THSD4: variants seen among roughly 807,000 people sequenced by gnomAD.
The protein encoded by THSD4 is thrombospondin type-1 domain-containing protein 4.
In THSD4, 69 loss-of-function variants were observed where a neutral mutation model predicts 119.0. That is an observed-to-expected ratio of 0.58 (90% CI 0.48 to 0.71). THSD4 has a LOEUF of 0.71. Ranked by LOEUF, THSD4 falls within the 30% of genes least tolerant of loss-of-function variation. The pLI is 0.00. For missense variants in THSD4, 1,393 were observed against 1,391.1 expected, an observed-to-expected ratio of 1.00 and a Z score of -0.02; for synonymous variants, 524 against 540.4, an observed-to-expected ratio of 0.97 and a Z score of 0.42.
chr15:71,762,590 C>T (rs2053645329), intron 15 of THSD4, among the ~76,000 whole-genome samples: 1 of 152,192 alleles, frequency 6.6e-6, no homozygotes, highest in South Asian at 2.1e-4. Flanking sequence ...GCCGCCCACC[C>T]CTGCCCCATC....
chr15:71,388,814 A>G (rs1181082087), intron 6 of THSD4, among the ~76,000 whole-genome samples: 1 of 152,092 alleles, frequency 6.6e-6, no homozygotes, highest in Non-Finnish European at 1.5e-5. Context: ...ACCATCCAAT[A>G]TGGTTTGGCT....
chr15:71,429,051 C>T (rs1250284680), intron 7 of THSD4, among the ~76,000 whole-genome samples: 1 of 152,164 alleles, frequency 6.6e-6, no homozygotes, highest in African/African-American at 2.4e-5. Context: ...AGTCTTTTAC[C>T]ATTACCAGTC....
chr15:71,562,752 G>A (rs1348589754), intron 7 of THSD4, among the ~76,000 whole-genome samples: 2 of 145,982 alleles, frequency 1.4e-5, no homozygotes, highest in East Asian at 4.1e-4. Flanking sequence ...GCCCAAGCTG[G>A]AGTACAATGG....
At chr15:71,604,935 G>A (rs2050081276) in intron 7 of THSD4, among the ~76,000 whole-genome samples, 1 of 152,110 alleles carries the variant, frequency 6.6e-6, no homozygotes, top group Non-Finnish European at 1.5e-5. Flanking sequence ...AAGGTCAGTA[G>A]GAAATGAATG....
intron 8 of THSD4, among the ~76,000 whole-genome samples, chr15:71,706,448 C>G (rs2052394084): frequency 6.6e-6 from 1 of 152,088 alleles, no homozygotes; most frequent in Non-Finnish European, 1.5e-5. Context: ...TTGGGGAAAC[C>G]TGGTGCTGGA....
At chr15:71,325,744 A>G (rs1359052926) in intron 6 of THSD4, among the ~76,000 whole-genome samples, 2 of 152,036 alleles carry the variant, frequency 1.3e-5, no homozygotes, top group African/African-American at 4.8e-5. Context: ...CCCAGGTCAG[A>G]GATTAGTCAG....
At chr15:71,396,111 C>A (rs1045233877) in intron 6 of THSD4, among the ~76,000 whole-genome samples, 1 of 152,024 alleles carries the variant, frequency 6.6e-6, no homozygotes. Flanking sequence ...CTGAATGAAA[C>A]GTGTGGATGT....
At chr15:71,634,480 C>T (rs2050698567) in intron 7 of THSD4, among the ~76,000 whole-genome samples, 1 of 152,180 alleles carries the variant, frequency 6.6e-6, no homozygotes, top group African/African-American at 2.4e-5. Flanking sequence ...TTTAGGTAAG[C>T]ACAAGCACAT....
At chr15:71,118,458 C>T (rs1444469852) in intron 1 of THSD4, among the ~76,000 whole-genome samples, 1 of 152,122 alleles carries the variant, frequency 6.6e-6, no homozygotes, top group Non-Finnish European at 1.5e-5. Flanking sequence ...TTCTTTGTGC[C>T]TGCTCTATGT....
At chr15:71,618,954 G>T (rs1043039069) in intron 7 of THSD4, among the ~76,000 whole-genome samples, 1 of 151,564 alleles carries the variant, frequency 6.6e-6, no homozygotes, top group African/African-American at 2.4e-5. Context: ...AACTTAATTT[G>T]GTGGATACTT....
chr15:71,544,669 G>T (rs1167329387), intron 7 of THSD4, among the ~76,000 whole-genome samples: 2 of 152,162 alleles, frequency 1.3e-5, no homozygotes, highest in Non-Finnish European at 2.9e-5. Flanking sequence ...ATATCTAAAA[G>T]AATTGAAAGC....
At chr15:71,777,203 A>T in intron 17 of THSD4, 29 bp from the exon 18 acceptor site, 1 of 1,614,000 alleles carries the variant, frequency 6.2e-7, no homozygotes, top group Non-Finnish European at 8.5e-7. Flanking sequence ...GTGCTCAGGG[A>T]GTCTTCTGTT....
At chr15:71,507,704 C>G (rs1208651779) in intron 7 of THSD4, among the ~76,000 whole-genome samples, 1 of 152,148 alleles carries the variant, frequency 6.6e-6, no homozygotes, top group Non-Finnish European at 1.5e-5. Context: ...TCTTTGGACT[C>G]CATATCCTTT....
At chr15:71,642,953 TAATAAAAA>T (rs1204182306) in intron 7 of THSD4, among the ~76,000 whole-genome samples, 13 of 151,902 alleles carry the variant, frequency 8.6e-5, no homozygotes, top group Non-Finnish European at 1.6e-4. Flanking sequence ...AGTATAATAA[TAATAAAAA>T]AATAAAAAAG....
chr15:71,390,246 G>A (rs1316441114), intron 6 of THSD4, among the ~76,000 whole-genome samples: 1 of 152,100 alleles, frequency 6.6e-6, no homozygotes, highest in Non-Finnish European at 1.5e-5. Context: ...TATAGGCCAA[G>A]GGCTTAAGAG....
At chr15:71,120,310 G>A (rs1264261819) in intron 1 of THSD4, among the ~76,000 whole-genome samples, 1 of 152,190 alleles carries the variant, frequency 6.6e-6, no homozygotes, top group Non-Finnish European at 1.5e-5. Flanking sequence ...GTATTGATGC[G>A]TTGTCTTGGG....
chr15:71,371,377 T>C (rs1328801976), intron 6 of THSD4, among the ~76,000 whole-genome samples: 1 of 152,208 alleles, frequency 6.6e-6, no homozygotes, highest in Non-Finnish European at 1.5e-5. Flanking sequence ...CTAGCATCGA[T>C]GGTCTTTACA....
chr15:71,722,888 C>T (rs78252565), intron 8 of THSD4, among the ~76,000 whole-genome samples: 4,479 of 152,160 alleles, frequency 0.029, 225 homozygotes, highest in African/African-American at 0.1. Flanking sequence ...TGTGCACAAA[C>T]GGGATTATAC....
At chr15:71,311,578 CTG>C (rs1424283971) in intron 6 of THSD4, among the ~76,000 whole-genome samples, 2 of 152,192 alleles carry the variant, frequency 1.3e-5, no homozygotes, top group Non-Finnish European at 2.9e-5. Flanking sequence ...CACTTTCTAA[CTG>C]TGCACTGATC....
Sources: gnomAD v4.1 joint callset for allele counts (sites outside exome capture counted in the v4.1 genomes callset) on GRCh38, gnomAD v4.1.1 for gene constraint, MANE v1.5 for transcripts, NCBI Gene and HGNC (gene_info 2026-07-23, HGNC 2026-07-21) for gene names.